CDH2: variants seen among roughly 807,000 people sequenced by gnomAD.
CDH2 encodes the protein cadherin 2.
CDH2 carries 17 observed loss-of-function variants against 92.0 expected under a neutral mutation model. That is an observed-to-expected ratio of 0.18 (90% CI 0.13 to 0.28). The LOEUF is 0.28. Ranked by LOEUF, CDH2 falls within the 10% of genes least tolerant of loss-of-function variation. CDH2 has a pLI of 1.00. For synonymous variants in CDH2, 419 were observed against 415.9 expected (o/e 1.01, Z -0.09); for missense variants, 862 against 1,133.1 (o/e 0.76, Z 3.44).
chr18:28,104,030 G>A (rs1166847419), intron 2 of CDH2, among the ~76,000 whole-genome samples: 1 of 152,170 alleles, frequency 6.6e-6, no homozygotes, highest in African/African-American at 2.4e-5. Context: ...GCTGTGGCCA[G>A]TGGCATTGAG....
chr18:28,069,586 C>G (rs1024087120), intron 2 of CDH2, among the ~76,000 whole-genome samples: 2 of 152,118 alleles, frequency 1.3e-5, no homozygotes, highest in African/African-American at 4.8e-5. Flanking sequence ...TCCCTCAGAT[C>G]TTAAAAATAA....
intron 2 of CDH2, among the ~76,000 whole-genome samples, chr18:28,030,523 C>T (rs1235191281): frequency 6.6e-6 from 1 of 151,876 alleles, no homozygotes; most frequent in African/African-American, 2.4e-5. Context: ...AAAGAAAAAA[C>T]CTGGCCAGGA....
intron 10 of CDH2, 107 bp downstream of exon 10, chr18:27,989,989 AG>A: frequency 1.1e-6 from 1 of 888,396 alleles, no homozygotes; most frequent in African/African-American, 1.7e-5. Context: ...TTTAATAAGT[AG>A]TTTTGATTGC....
intron 1 of CDH2, among the ~76,000 whole-genome samples, chr18:28,164,235 C>T (rs2016346428): frequency 6.6e-6 from 1 of 152,182 alleles, no homozygotes; most frequent in African/African-American, 2.4e-5. Context: ...CATCAGGCTA[C>T]TTGCATTTAA....
rs538586544 is a variant in CDH2 at position 28,174,255 on chromosome 18, G to GA, written c.60+2707dup. Among the ~76,000 whole-genome samples the GA allele has an allele frequency of 5.8e-3, 857 of 146,576 alleles. 11 individuals are homozygous for GA. The highest frequency in any genetic ancestry group is 0.021 in the South Asian group (98 of 4,604). ...CTTAGTCTGGAATTTAAAAAAAAAA[G>GA]AAAAAAAAAACCTAGACTGTTAATA... On this transcript the variant is annotated intron_variant, in intron 1 of 15. Coordinates refer to ENST00000269141, the MANE Select transcript of CDH2 (RefSeq NM_001792.5).
chr18:27,978,338 T>C (rs534341747), intron 14 of CDH2, among the ~76,000 whole-genome samples: 19 of 152,136 alleles, frequency 1.2e-4, no homozygotes, highest in Non-Finnish European at 2.4e-4. Flanking sequence ...CAACATGGGA[T>C]TGACTCAAGA....
At chr18:28,101,993 G>A (rs1480451013) in intron 2 of CDH2, among the ~76,000 whole-genome samples, 1 of 151,972 alleles carries the variant, frequency 6.6e-6, no homozygotes, top group Non-Finnish European at 1.5e-5. Flanking sequence ...GAAAAAAAAC[G>A]AGGAATGTGC....
At chr18:28,007,590 G>A (rs367928322) in intron 5 of CDH2, among the ~76,000 whole-genome samples, 1 of 151,668 alleles carries the variant, frequency 6.6e-6, no homozygotes, top group East Asian at 1.9e-4. Context: ...TTTTCCCTTG[G>A]CTTATTTAAT....
intron 2 of CDH2, among the ~76,000 whole-genome samples, chr18:28,043,473 T>A (rs1212811030): frequency 0.013 from 1,048 of 79,412 alleles, 49 homozygotes; most frequent in African/African-American, 0.046. Context: ...TATATATATA[T>A]ATATATATAT....
At chr18:28,176,873 C>T in intron 1 of CDH2, 90 bp downstream of exon 1, 2 of 695,790 alleles carry the variant, frequency 2.9e-6, no homozygotes, top group Non-Finnish European at 3.6e-6. Context: ...GGGTGCGCAG[C>T]CCGGCCCCGC....
At chr18:28,122,324 CA>C (rs1294452010) in intron 2 of CDH2, among the ~76,000 whole-genome samples, 1 of 152,068 alleles carries the variant, frequency 6.6e-6, no homozygotes, top group Admixed American at 6.6e-5. Context: ...TTATGGAAAG[CA>C]AGACTATTTC....
intron 14 of CDH2, among the ~76,000 whole-genome samples, chr18:27,964,138 A>T (rs187521533): frequency 6.6e-6 from 1 of 152,250 alleles, no homozygotes; most frequent in Non-Finnish European, 1.5e-5. Context: ...AACCTAAATT[A>T]TTTACTATCT....
At chr18:28,174,783 T>C (rs567603377) in intron 1 of CDH2, among the ~76,000 whole-genome samples, 82 of 152,338 alleles carry the variant, frequency 5.4e-4, no homozygotes, top group Non-Finnish European at 9.6e-4. Context: ...CTTCGTGTCC[T>C]AACTTCGCTG....
At chr18:28,050,225 A>C (rs979073623) in intron 2 of CDH2, among the ~76,000 whole-genome samples, 2 of 152,202 alleles carry the variant, frequency 1.3e-5, no homozygotes, top group African/African-American at 4.8e-5. Flanking sequence ...AATATCAACA[A>C]CACATCATCA....
At chr18:28,025,300 C>T (rs562590169) in intron 2 of CDH2, among the ~76,000 whole-genome samples, 1 of 152,106 alleles carries the variant, frequency 6.6e-6, no homozygotes, top group African/African-American at 2.4e-5. Context: ...GGAGGGTTGC[C>T]TAAACTCAGG....
At position 27,999,312 on chromosome 18, in the gene CDH2, A is replaced by G. The variant is rs539730977; in HGVS notation, c.1020+3685T>C. Among the ~76,000 whole-genome samples, 54 of 152,256 alleles carry G rather than the reference A, an allele frequency of 3.5e-4. 1 individual carries two copies. The South Asian group carries it at 0.011, about 31-fold the overall frequency. On this transcript the variant is annotated intron_variant, in intron 7 of 15. Transcript: ENST00000269141. The stretch of plus-strand genomic sequence containing the variant: ...GAGGGTCTGGAATGCACTATTAAAA[A>G]GCTCTAACTTCATCCTATAGGGCAT...
chr18:27,942,478 G>A (rs1339453087), intron 6 of CDH2, among the ~76,000 whole-genome samples: 1 of 152,162 alleles, frequency 6.6e-6, no homozygotes, highest in Non-Finnish European at 1.5e-5. Flanking sequence ...CCATTAAAGG[G>A]CACAGGTGGG....
chr18:28,096,850 T>C (rs1021936276), intron 2 of CDH2, among the ~76,000 whole-genome samples: 3 of 152,254 alleles, frequency 2.0e-5, no homozygotes, highest in African/African-American at 7.2e-5. Context: ...TGCTCTTCTG[T>C]AGCAGCAATG....
At chr18:27,946,790 T>C (rs537497782), downstream of CDH2, among the ~76,000 whole-genome samples, 24 of 152,150 alleles carry the variant, frequency 1.6e-4, no homozygotes, top group African/African-American at 5.5e-4. Context: ...AATAACATTA[T>C]GACCAAGTAG....
Sources: allele counts gnomAD v4.1 joint callset (sites outside exome capture counted in the v4.1 genomes callset), GRCh38; gene constraint gnomAD v4.1.1; transcripts MANE v1.5; gene names NCBI Gene and HGNC (gene_info 2026-07-23, HGNC 2026-07-21).